Variants in FLVCR2 observed in about 807,000 individuals in gnomAD.
FLVCR2 encodes the protein FLVCR choline and putative heme transporter 2.
In FLVCR2, 38 loss-of-function variants were observed where a neutral mutation model predicts 48.9. The ratio of observed to expected loss-of-function variants is 0.78; its 90% confidence interval spans 0.60 to 1.02. The LOEUF (loss-of-function observed/expected upper bound fraction) is 1.02, where lower values mean the gene tolerates loss of function less well. Among genes scored for constraint, FLVCR2 ranks in the 50% least tolerant of loss-of-function variants. The pLI is 0.00. For missense variants in FLVCR2, 664 were observed against 663.3 expected (o/e 1.00, Z -0.01); for synonymous variants, 255 against 257.0 (o/e 0.99, Z 0.07).
At chr14:75,607,752 G>A (rs543125106) in intron 1 of FLVCR2, among the ~76,000 whole-genome samples, 1 of 151,988 alleles carries the variant, frequency 6.6e-6, no homozygotes, top group East Asian at 1.9e-4. Flanking sequence ...TGCCAGTGTT[G>A]ACTTTTAGTG....
intron 1 of FLVCR2, chr14:75,605,710 C>A: frequency 7.7e-7 from 1 of 1,301,982 alleles, no homozygotes; most frequent in Non-Finnish European, 1.1e-6. Flanking sequence ...TTTGCTTTGG[C>A]TCCCCTCCGA....
intron 1 of FLVCR2, among the ~76,000 whole-genome samples, chr14:75,606,282 C>T (rs1889288940): frequency 6.6e-6 from 1 of 152,192 alleles, no homozygotes; most frequent in Non-Finnish European, 1.5e-5. Context: ...CTTCCTCTGT[C>T]TCCCAAAGTG....
At chr14:75,635,286 T>G (rs1890141026) in intron 5 of FLVCR2, among the ~76,000 whole-genome samples, 1 of 152,076 alleles carries the variant, frequency 6.6e-6, no homozygotes, top group South Asian at 2.1e-4. Flanking sequence ...TAAGTAGCTT[T>G]GTGAAAGCAG....
intron 3 of FLVCR2, chr14:75,632,650 G>T: frequency 4.3e-6 from 3 of 702,322 alleles, no homozygotes; most frequent in Non-Finnish European, 5.2e-6. Context: ...AGGCTGCCCT[G>T]TCCACAAGCT....
At chr14:75,626,746 G>A (rs1227876745) in intron 3 of FLVCR2, among the ~76,000 whole-genome samples, 1 of 151,886 alleles carries the variant, frequency 6.6e-6, no homozygotes, top group Non-Finnish European at 1.5e-5. Flanking sequence ...AAACCAGATG[G>A]CCTTTGGGGG....
chr14:75,642,801 CAG>C (rs1277102721), intron 9 of FLVCR2, among the ~76,000 whole-genome samples: 8 of 152,092 alleles, frequency 5.3e-5, no homozygotes, highest in Non-Finnish European at 1.0e-4. Flanking sequence ...TATTTTTAAA[CAG>C]AAATAAAACT....
At chr14:75,616,034 A>AAAAAAAAAAAAAAAT in intron 1 of FLVCR2, among the ~76,000 whole-genome samples, 1 of 147,092 alleles carries the variant, frequency 6.8e-6, no homozygotes, top group Non-Finnish European at 1.5e-5. Flanking sequence ...CTCAAAAAAA[A>AAAAAAAAAAAAAAAT]AAAAAAAAAA....
intron 1 of FLVCR2, among the ~76,000 whole-genome samples, chr14:75,617,189 G>A (rs1250806286): frequency 6.6e-6 from 1 of 152,180 alleles, no homozygotes; most frequent in Non-Finnish European, 1.5e-5. Context: ...GACGCAGCCT[G>A]ATGATTTTCT....
intron 1 of FLVCR2, among the ~76,000 whole-genome samples, chr14:75,591,523 A>G (rs946165226): frequency 2.6e-5 from 4 of 152,218 alleles, no homozygotes; most frequent in Admixed American, 6.5e-5. Context: ...GCTTTGCTGG[A>G]CATAGCCCAC....
chr14:75,627,923 A>C (rs1001500188), intron 3 of FLVCR2, among the ~76,000 whole-genome samples: 2 of 152,216 alleles, frequency 1.3e-5, no homozygotes, highest in Non-Finnish European at 2.9e-5. Context: ...ATTGCTTTAC[A>C]TGCATTATCT....
rs1417396537 is a variant in FLVCR2 at position 75,589,318 on chromosome 14, C to T, written c.669+9677C>T. ...ACACATACCAAAAAGGAGAAATAGG[C>T]AAGAAGAAAAGGGTAACTGGTCCCA... On this transcript the variant is annotated intron_variant, in intron 1 of 9. Transcript: ENST00000238667. 3.9e-5 allele frequency among the ~76,000 whole-genome samples: 6 copies of T among 152,148 alleles called. 1 individual carries two copies. The highest frequency in any genetic ancestry group is 5.9e-5 in the Non-Finnish European group (4 of 68,038).
intron 1 of FLVCR2, among the ~76,000 whole-genome samples, chr14:75,591,819 T>TA: frequency 6.8e-6 from 1 of 146,380 alleles, no homozygotes; most frequent in African/African-American, 2.5e-5. Context: ...TTTTTTTTTT[T>TA]TTTTTTTTTT....
In FLVCR2 at chr14:75,641,310, G is replaced by A. The variant is rs1333329122; in HGVS notation, c.1453+17G>A. ...CCCTCACTGGTGAGTTGGAGCCTGA[G>A]GGCAAGATGAGGCTCAGGTTGGCCA... On this transcript the variant is annotated intron_variant, in intron 8 of 9. Transcript: ENST00000238667. 6.3e-7 allele frequency: 1 copy of A among 1,583,642 alleles called. No individual in the cohort carries two copies. Among genetic ancestry groups the A allele is most frequent in the South Asian group, 1.1e-5 (1 of 90,418 alleles).
chr14:75,641,714 A>G (rs1890311574), intron 8 of FLVCR2, 129 bp from the exon 9 acceptor site: 1 of 862,066 alleles, frequency 1.2e-6, no homozygotes, highest in Non-Finnish European at 1.9e-6. Context: ...GCCCTCAGTC[A>G]CCAGCTCTCT....
intron 3 of FLVCR2, among the ~76,000 whole-genome samples, chr14:75,627,378 C>A (rs1340880754): frequency 6.6e-6 from 1 of 152,170 alleles, no homozygotes; most frequent in Non-Finnish European, 1.5e-5. Flanking sequence ...TGGCTTGCAA[C>A]AATCCAAGCA....
intron 9 of FLVCR2, among the ~76,000 whole-genome samples, chr14:75,644,830 A>C (rs1032463994): frequency 2.6e-5 from 4 of 152,118 alleles, no homozygotes; most frequent in Non-Finnish European, 5.9e-5. Flanking sequence ...TGCTCTTTCT[A>C]ATCAGTGAGA....
intron 1 of FLVCR2, among the ~76,000 whole-genome samples, chr14:75,619,692 C>T (rs1566791607): frequency 6.6e-6 from 1 of 152,210 alleles, no homozygotes; most frequent in Non-Finnish European, 1.5e-5. Flanking sequence ...CCTCCATAGC[C>T]AATTTCCTCC....
At chr14:75,635,262 C>T (rs1890139888) in intron 5 of FLVCR2, among the ~76,000 whole-genome samples, 1 of 152,104 alleles carries the variant, frequency 6.6e-6, no homozygotes, top group South Asian at 2.1e-4. Context: ...GTCCTCTTCC[C>T]CATCCCCACT....
intron 1 of FLVCR2, among the ~76,000 whole-genome samples, chr14:75,614,452 C>T (rs368754552): frequency 2.0e-4 from 31 of 152,316 alleles, no homozygotes; most frequent in South Asian, 8.3e-4. Flanking sequence ...AAGGCAATCA[C>T]GCCTAGTGAG....
Sources: gnomAD v4.1 joint callset for allele counts (sites outside exome capture counted in the v4.1 genomes callset) on GRCh38, gnomAD v4.1.1 for gene constraint, MANE v1.5 for transcripts, NCBI Gene and HGNC (gene_info 2026-07-23, HGNC 2026-07-21) for gene names.